LPP: variants seen among roughly 807,000 people sequenced by gnomAD.
The protein encoded by LPP is lipoma-preferred partner.
LPP carries 38 observed loss-of-function variants against 60.4 expected under a neutral mutation model. The ratio of observed to expected loss-of-function variants is 0.63; its 90% CI spans 0.49 to 0.83. LPP has a LOEUF of 0.83. Ranked by LOEUF, LPP falls within the 40% of genes least tolerant of loss-of-function variation. LPP has a pLI of 0.00. For synonymous variants in LPP, 328 were observed against 290.8 expected (o/e 1.13, Z -1.30); for missense variants, 902 against 783.6 (o/e 1.15, Z -1.80).
chr3:188,364,108 A>G (rs1469049003), intron 3 of LPP, among the ~76,000 whole-genome samples: 1 of 152,182 alleles, frequency 6.6e-6, no homozygotes, highest in East Asian at 1.9e-4. Context: ...AGGTAATGAC[A>G]GTATCTACCT....
At chr3:188,294,614 T>A (rs1404272080) in intron 2 of LPP, among the ~76,000 whole-genome samples, 2 of 152,230 alleles carry the variant, frequency 1.3e-5, no homozygotes, top group Non-Finnish European at 2.9e-5. Flanking sequence ...CTTTCTCAAA[T>A]GTTGATTAAT....
intron 9 of LPP, among the ~76,000 whole-genome samples, chr3:188,833,423 G>A (rs1373748201): frequency 2.0e-5 from 3 of 152,214 alleles, no homozygotes; most frequent in Non-Finnish European, 4.4e-5. Context: ...GTGAGACAGA[G>A]TTGAAACTTG....
chr3:188,431,815 A>C (rs1181102073), intron 4 of LPP, among the ~76,000 whole-genome samples: 1 of 152,200 alleles, frequency 6.6e-6, no homozygotes, highest in African/African-American at 2.4e-5. Context: ...ATATTGCATA[A>C]AATTGGTTAC....
chr3:188,883,862 G>A lies in LPP; in HGVS notation c.*9383G>A. 1 of 219,012 alleles carries A rather than the reference G, an allele frequency of 4.6e-6. No individual in the cohort carries two copies. The highest frequency in any genetic ancestry group is 6.7e-5 in the East Asian group (1 of 14,986). The allele number at this position is 219,012 out of a possible 1,614,324, so 13.6% of individuals were successfully genotyped here. A position where few individuals can be genotyped will look rare whatever the true frequency, so the allele number is the denominator to read the frequency against. On this transcript the variant is annotated 3_prime_UTR_variant, in exon 12 of 12. Coordinates refer to ENST00000617246, the MANE Select transcript of LPP (RefSeq NM_001375462.1). ...ATTATTTCTAGTTAGTTCATCTGTG[G>A]AAAAGGATATCGTTCTTGAGGAGAG...
intron 4 of LPP, among the ~76,000 whole-genome samples, chr3:188,427,603 C>A (rs1374294460): frequency 2.0e-5 from 3 of 152,132 alleles, no homozygotes; most frequent in African/African-American, 7.2e-5. Flanking sequence ...TTCAGAGATG[C>A]CCTGCCCAGA....
intron 2 of LPP, among the ~76,000 whole-genome samples, chr3:188,254,716 G>GAA: frequency 6.7e-6 from 1 of 148,182 alleles, no homozygotes; most frequent in African/African-American, 2.7e-5. Context: ...CACACACAGT[G>GAA]GATAGGATTC....
At chr3:188,838,586 A>G (rs1278802020) in intron 9 of LPP, among the ~76,000 whole-genome samples, 1 of 152,184 alleles carries the variant, frequency 6.6e-6, no homozygotes, top group Admixed American at 6.5e-5. Context: ...TGAAAAGTTG[A>G]AGCGTAATTT....
intron 8 of LPP, among the ~76,000 whole-genome samples, chr3:188,730,326 T>C (rs945328068): frequency 5.3e-5 from 8 of 152,118 alleles, no homozygotes; most frequent in Non-Finnish European, 1.0e-4. Context: ...GAAACAGGAG[T>C]GTAAGCCACA....
At chr3:188,649,594 T>C (rs1851710936) in intron 7 of LPP, among the ~76,000 whole-genome samples, 1 of 152,204 alleles carries the variant, frequency 6.6e-6, no homozygotes, top group African/African-American at 2.4e-5. Flanking sequence ...CCTGAAGTGA[T>C]AGCACTTACA....
intron 7 of LPP, among the ~76,000 whole-genome samples, chr3:188,682,417 C>T (rs1221484168): frequency 6.6e-6 from 1 of 152,212 alleles, no homozygotes; most frequent in Non-Finnish European, 1.5e-5. Context: ...CTACACCGTG[C>T]AGCTCTCACC....
chr3:188,468,879 G>A (rs553183882), intron 4 of LPP, among the ~76,000 whole-genome samples: 4 of 152,268 alleles, frequency 2.6e-5, no homozygotes, highest in African/African-American at 9.6e-5. Flanking sequence ...GAAGCAGGAG[G>A]AGGGAACAAG....
chr3:188,612,309 A>G (rs1304227360), intron 7 of LPP, among the ~76,000 whole-genome samples: 2 of 152,140 alleles, frequency 1.3e-5, no homozygotes, highest in Non-Finnish European at 2.9e-5. Flanking sequence ...TTGTGAGGGC[A>G]TTGGCTGATG....
chr3:188,835,302 CAAAA>C (rs11354742), intron 9 of LPP, among the ~76,000 whole-genome samples: 1 of 125,950 alleles, frequency 7.9e-6, no homozygotes, highest in Admixed American at 7.9e-5. Flanking sequence ...ACTAAAAATA[CAAAA>C]AAAAAAAAAA....
intron 7 of LPP, among the ~76,000 whole-genome samples, chr3:188,657,944 A>G (rs1853670465): frequency 6.6e-6 from 1 of 152,124 alleles, no homozygotes; most frequent in Non-Finnish European, 1.5e-5. Flanking sequence ...AAAAATACAT[A>G]ATGGTGCAGC....
chr3:188,565,684 T>C (rs752810782), intron 6 of LPP, among the ~76,000 whole-genome samples: 1 of 151,976 alleles, frequency 6.6e-6, no homozygotes, highest in Non-Finnish European at 1.5e-5. Context: ...GTCTGATGTA[T>C]ATTATATCTT....
intron 3 of LPP, among the ~76,000 whole-genome samples, chr3:188,398,887 A>G (rs1287294779): frequency 6.6e-6 from 1 of 152,230 alleles, no homozygotes; most frequent in Non-Finnish European, 1.5e-5. Context: ...GGGAGGATAG[A>G]AGAGTCAGGG....
chr3:188,547,118 G>A (rs1826858476), intron 6 of LPP, among the ~76,000 whole-genome samples: 1 of 152,126 alleles, frequency 6.6e-6, no homozygotes, highest in Non-Finnish European at 1.5e-5. Flanking sequence ...GAGCATTTAA[G>A]CATATATATT....
intron 3 of LPP, among the ~76,000 whole-genome samples, chr3:188,384,248 T>G (rs1161122089): frequency 6.6e-6 from 1 of 152,162 alleles, no homozygotes; most frequent in Non-Finnish European, 1.5e-5. Context: ...AAATATTTAT[T>G]AACTCTCTGC....
intron 6 of LPP, among the ~76,000 whole-genome samples, chr3:188,592,387 CACTT>C (rs1838926980): frequency 1.3e-5 from 2 of 151,834 alleles, no homozygotes; most frequent in South Asian, 4.2e-4. Flanking sequence ...GTCACACACA[CACTT>C]ACACACAGAT....
Sources: allele counts gnomAD v4.1 joint callset (sites outside exome capture counted in the v4.1 genomes callset), GRCh38; gene constraint gnomAD v4.1.1; transcripts MANE v1.5; gene names NCBI Gene and HGNC (gene_info 2026-07-23, HGNC 2026-07-21).